The following GPC6 variants were observed in gnomAD, a reference collection of about 807,000 sequenced individuals.
GPC6 encodes glypican-6.
In GPC6, 14 loss-of-function variants were observed where a neutral mutation model predicts 55.2. The observed-to-expected ratio is 0.25, with a 90% confidence interval of 0.17 to 0.40. The LOEUF (loss-of-function observed/expected upper bound fraction) is 0.40. Among genes scored for constraint, GPC6 ranks in the 10% least tolerant of loss-of-function variants. The pLI, the probability that GPC6 is intolerant of heterozygous loss-of-function variation, is 1.00. For missense variants in GPC6, 641 were observed against 708.5 expected (o/e 0.90, Z 1.08); for synonymous variants, 278 against 259.6 (o/e 1.07, Z -0.68).
At chr13:94,331,498 G>T (rs1877413505) in intron 6 of GPC6, among the ~76,000 whole-genome samples, 1 of 152,054 alleles carries the variant, frequency 6.6e-6, no homozygotes, top group African/African-American at 2.4e-5. Context: ...ATTTTAAGCA[G>T]CTGTGTGGTT....
rs368500574 is a variant in GPC6 at position 94,084,769 on chromosome 13, GA to G, written c.877+56879del. Reference sequence around the variant, plus strand: ...TCACAAAGCTTATTTGGTAGCAGAAGAAAAGCTGGAAATCAAATATTACACT... The same window carrying G: ...TCACAAAGCTTATTTGGTAGCAGAAGAAAGCTGGAAATCAAATATTACACT... On this transcript the variant is annotated intron_variant, in intron 4 of 8. Coordinates refer to ENST00000377047, the MANE Select transcript of GPC6 (RefSeq NM_005708.5). Among the ~76,000 whole-genome samples the G allele has an allele frequency of 1.8e-3, 268 of 152,264 alleles. 2 individuals are homozygous for G. Among genetic ancestry groups the G allele is most frequent in the African/African-American group, 5.5e-3 (228 of 41,564 alleles).
intron 4 of GPC6, among the ~76,000 whole-genome samples, chr13:94,164,976 A>G (rs1331558368): frequency 6.6e-6 from 1 of 151,770 alleles, no homozygotes; most frequent in Non-Finnish European, 1.5e-5. Context: ...AGCACTATGG[A>G]ACAGAGTGTG....
intron 1 of GPC6, among the ~76,000 whole-genome samples, chr13:93,506,478 ACT>A (rs1880718306): frequency 6.6e-6 from 1 of 151,912 alleles, no homozygotes; most frequent in Non-Finnish European, 1.5e-5. Flanking sequence ...GTAAAAGATA[ACT>A]CTTCCATATG....
intron 3 of GPC6, among the ~76,000 whole-genome samples, chr13:93,966,967 T>C (rs1240471177): frequency 6.6e-6 from 1 of 152,190 alleles, no homozygotes; most frequent in Non-Finnish European, 1.5e-5. Context: ...TTTCATTATT[T>C]TTTTAAAGTT....
At chr13:94,163,367 T>C (rs961103396) in intron 4 of GPC6, among the ~76,000 whole-genome samples, 19 of 152,260 alleles carry the variant, frequency 1.2e-4, no homozygotes, top group Non-Finnish European at 2.6e-4. Flanking sequence ...CTGTAGGATT[T>C]TTTTCAAGCA....
At chr13:93,789,834 A>T (rs1885970526) in intron 2 of GPC6, among the ~76,000 whole-genome samples, 1 of 150,976 alleles carries the variant, frequency 6.6e-6, no homozygotes, top group Admixed American at 6.6e-5. Flanking sequence ...ATCAAGAACA[A>T]GTGAGAGTTT....
At chr13:93,664,677 A>T (rs9589808) in intron 2 of GPC6, among the ~76,000 whole-genome samples, 3,024 of 152,068 alleles carry the variant, frequency 0.02, 96 homozygotes, top group African/African-American at 0.067. Flanking sequence ...GAGTGCAGTC[A>T]TGTGATCTCG....
chr13:94,257,439 A>G (rs1442275619), intron 4 of GPC6, among the ~76,000 whole-genome samples: 2 of 152,210 alleles, frequency 1.3e-5, no homozygotes, highest in Admixed American at 6.5e-5. Flanking sequence ...GTGCTTGTCC[A>G]TACTTTGTCC....
At chr13:93,680,487 G>GT (rs1881807163) in intron 2 of GPC6, among the ~76,000 whole-genome samples, 1 of 152,130 alleles carries the variant, frequency 6.6e-6, no homozygotes, top group Admixed American at 6.6e-5. Flanking sequence ...AGAAAGCCTG[G>GT]TATATAGGTT....
chr13:93,942,287 G>C (rs142534968), intron 3 of GPC6, among the ~76,000 whole-genome samples: 19 of 152,266 alleles, frequency 1.2e-4, no homozygotes, highest in African/African-American at 4.3e-4. Flanking sequence ...GTAAAACTTA[G>C]CTTCGAGCCT....
rs1594247320 is a variant in GPC6 at position 94,404,884 on chromosome 13, A to G, written c.*1667A>G. On this transcript the variant is annotated 3_prime_UTR_variant, in exon 9 of 9. Transcript: ENST00000377047. ...GACAGAGAGAAGCAAAATAAACCCAACTGGGGGCTTTATGAATACAGTTGG... is the reference window on the plus strand; with the variant it reads ...GACAGAGAGAAGCAAAATAAACCCAGCTGGGGGCTTTATGAATACAGTTGG... 1 of 152,110 alleles carries G rather than the reference A, an allele frequency of 6.6e-6. No homozygotes were observed. Among genetic ancestry groups the G allele is most frequent in the African/African-American group, 2.4e-5 (1 of 41,420 alleles). The allele number at this position is 152,110 out of a possible 1,614,324, so 9.4% of individuals were successfully genotyped here.
chr13:93,479,939 A>G (rs1879452241), intron 1 of GPC6, among the ~76,000 whole-genome samples: 1 of 152,228 alleles, frequency 6.6e-6, no homozygotes, highest in African/African-American at 2.4e-5. Context: ...AATAAATGAG[A>G]CATGCATATA....
chr13:93,619,823 G>A (rs2139555060), intron 2 of GPC6, among the ~76,000 whole-genome samples: 1 of 152,204 alleles, frequency 6.6e-6, no homozygotes, highest in East Asian at 1.9e-4. Context: ...TGGTGTATGA[G>A]TGTATTATTA....
At chr13:94,297,603 C>A (rs567247313) in intron 5 of GPC6, among the ~76,000 whole-genome samples, 2 of 152,268 alleles carry the variant, frequency 1.3e-5, no homozygotes, top group South Asian at 4.1e-4. Context: ...AAAAGAATTT[C>A]TTTTATTGTA....
intron 1 of GPC6, among the ~76,000 whole-genome samples, chr13:93,386,892 C>T (rs1875428140): frequency 6.6e-6 from 1 of 152,192 alleles, no homozygotes; most frequent in East Asian, 1.9e-4. Flanking sequence ...CAATCTCTGC[C>T]TCTGTCTTCA....
rs191399116 is a variant in GPC6, at chr13:93,650,158, C to G, written c.319+104737C>G. Reference sequence around the variant, plus strand: ...ATCTACATTTTTTTTTCTTTTAGGGCAAGATCTAAGGAACCTGAATTAACA... The same window carrying G: ...ATCTACATTTTTTTTTCTTTTAGGGGAAGATCTAAGGAACCTGAATTAACA... On this transcript the variant is annotated intron_variant, in intron 2 of 8. Transcript: ENST00000377047. Among the ~76,000 whole-genome samples, 369 of 152,012 alleles carry G rather than the reference C, an allele frequency of 2.4e-3. 1 individual carries two copies. Among genetic ancestry groups the G allele is most frequent in the African/African-American group, 8.4e-3 (349 of 41,448 alleles).
intron 4 of GPC6, among the ~76,000 whole-genome samples, chr13:94,123,666 T>G (rs527811392): frequency 6.6e-6 from 1 of 152,004 alleles, no homozygotes; most frequent in East Asian, 1.9e-4. Context: ...TAAGCAACTG[T>G]GTGTGTGTTT....
In GPC6 at chr13:94,332,375, A is replaced by T. The variant is rs147902873; in HGVS notation, c.1152+26252A>T. ...CAATGTGATAAATTGTGAAAGTTCCAAGTAGGGGGAATAAAAGAACAAAAG... is the reference window on the plus strand; with the variant it reads ...CAATGTGATAAATTGTGAAAGTTCCTAGTAGGGGGAATAAAAGAACAAAAG... On this transcript the variant is annotated intron_variant, in intron 6 of 8. Coordinates refer to ENST00000377047, the MANE Select transcript of GPC6 (RefSeq NM_005708.5). Among the ~76,000 whole-genome samples, 16 of 152,320 alleles carry T rather than the reference A, an allele frequency of 1.1e-4. 1 individual carries two copies. The East Asian group carries it at 3.1e-3, about 29-fold the overall frequency.
intron 6 of GPC6, among the ~76,000 whole-genome samples, chr13:94,351,627 C>T (rs1369169219): frequency 1.3e-5 from 2 of 152,026 alleles, no homozygotes; most frequent in African/African-American, 4.8e-5. Context: ...ATGGGAAGAT[C>T]TGCTAATTAC....
Sources: gnomAD v4.1 joint callset for allele counts (sites outside exome capture counted in the v4.1 genomes callset) on GRCh38, gnomAD v4.1.1 for gene constraint, MANE v1.5 for transcripts, NCBI Gene and HGNC (gene_info 2026-07-23, HGNC 2026-07-21) for gene names.